Variants in C8orf74 observed in about 807,000 individuals in gnomAD.
The protein encoded by C8orf74 is uncharacterized protein C8orf74.
A neutral mutation model predicts 22.2 loss-of-function variants in C8orf74; 29 were observed. The ratio of observed to expected loss-of-function variants is 1.31; its 90% CI spans 0.97 to 1.78. C8orf74 has a LOEUF of 1.78. C8orf74 is among the 40% of genes most tolerant of loss of function. The pLI is 0.00. For synonymous variants in C8orf74, 255 were observed against 163.1 expected (o/e 1.56, Z -4.30); for missense variants, 515 against 369.9 (o/e 1.39, Z -3.22).
chr8:10,690,798 G>A (rs563972065), intron 2 of C8orf74: 29 of 449,924 alleles, frequency 6.4e-5, no homozygotes, highest in African/African-American at 5.4e-4. Context: ...GCTGACATCT[G>A]CCTAGCAAGC....
In C8orf74 at chr8:10,674,638, C is replaced by T. The variant is rs1335881382; in HGVS notation, c.49-8C>T. ...CATACCCTGCAGTTCCCATGTCATT[C>T]CCTGCAGAGACCACAAGGTCGGGAG... is the stretch of plus-strand genomic sequence containing the variant. On this transcript the variant is annotated splice_region_variant and splice_polypyrimidine_tract_variant and intron_variant, in intron 1 of 3. Coordinates refer to ENST00000304519, the MANE Select transcript of C8orf74 (RefSeq NM_001040032.2). 2 of 1,601,018 alleles carry T rather than the reference C, an allele frequency of 1.2e-6. No individual in the cohort carries two copies. Among genetic ancestry groups the T allele is most frequent in the Admixed American group, 1.7e-5 (1 of 58,616 alleles).
rs540229601 is a variant in C8orf74 at position 10,683,710 on chromosome 8, G to A, written c.241+8872G>A. 1.4e-4 allele frequency among the ~76,000 whole-genome samples: 22 copies of A among 152,290 alleles called. 1 individual carries two copies. Among genetic ancestry groups the A allele is most frequent in the African/African-American group, 4.3e-4 (18 of 41,550 alleles). ...TCCCCACAGCTTATGAGAGTTGAGA[G>A]GAGCCCCAGAGGTCACTGGATCCAA... is the stretch of plus-strand genomic sequence containing the variant. On this transcript the variant is annotated intron_variant, in intron 2 of 3. Transcript: ENST00000304519.
chr8:10,696,498 T>C (rs1218525521), intron 2 of C8orf74, among the ~76,000 whole-genome samples: 2 of 146,510 alleles, frequency 1.4e-5, no homozygotes, highest in Non-Finnish European at 3.0e-5. Flanking sequence ...CAGGCTGAAG[T>C]GCAGTGTAGC....
At chr8:10,680,373 C>A (rs1332453271) in intron 2 of C8orf74, among the ~76,000 whole-genome samples, 1 of 152,236 alleles carries the variant, frequency 6.6e-6, no homozygotes, top group Non-Finnish European at 1.5e-5. Context: ...AGACATGCAG[C>A]ACTCACAGCA....
chr8:10,695,887 G>T (rs1412510830), intron 2 of C8orf74, among the ~76,000 whole-genome samples: 2 of 152,158 alleles, frequency 1.3e-5, no homozygotes. Flanking sequence ...AAGGAACTGT[G>T]GAATTCTCCA....
intron 2 of C8orf74, among the ~76,000 whole-genome samples, chr8:10,684,002 T>A (rs1158716793): frequency 6.6e-6 from 1 of 152,064 alleles, no homozygotes; most frequent in Non-Finnish European, 1.5e-5. Flanking sequence ...GAGCCGGCCC[T>A]CCCACGATGC....
At chr8:10,674,593 A>C in intron 1 of C8orf74, 53 bp from the exon 2 acceptor site, 1 of 1,392,512 alleles carries the variant, frequency 7.2e-7, no homozygotes, top group Non-Finnish European at 9.6e-7. Context: ...CCCCTATATC[A>C]TGCCCTGCAA....
intron 2 of C8orf74, among the ~76,000 whole-genome samples, chr8:10,683,530 T>G (rs1399079493): frequency 6.6e-6 from 1 of 152,200 alleles, no homozygotes; most frequent in Non-Finnish European, 1.5e-5. Context: ...TGGGACTGCC[T>G]AGTCGCTTTC....
chr8:10,693,610 A>G (rs1273385953), intron 2 of C8orf74, among the ~76,000 whole-genome samples: 2 of 152,196 alleles, frequency 1.3e-5, no homozygotes, highest in African/African-American at 2.4e-5. Context: ...ACAGGTGGCC[A>G]TCATTTGTTC....
chr8:10,688,838 C>G (rs1485482881), intron 2 of C8orf74: 1 of 152,260 alleles, frequency 6.6e-6, no homozygotes, highest in Non-Finnish European at 1.5e-5. Flanking sequence ...ACCACTTGTG[C>G]TGCAGTAGGA....
intron 3 of C8orf74, among the ~76,000 whole-genome samples, chr8:10,698,632 C>G (rs1799583824): frequency 6.6e-6 from 1 of 152,102 alleles, no homozygotes; most frequent in Non-Finnish European, 1.5e-5. Context: ...ACGACCCCAG[C>G]CTCAGGGTAG....
Position 10,674,632 on chromosome 8 carries a change from G to A in C8orf74, c.49-14G>A. On this transcript the variant is annotated splice_polypyrimidine_tract_variant and intron_variant, in intron 1 of 3. Transcript: ENST00000304519. Reference sequence around the variant, plus strand: ...CCACATCATACCCTGCAGTTCCCATGTCATTCCCTGCAGAGACCACAAGGT... The same window carrying A: ...CCACATCATACCCTGCAGTTCCCATATCATTCCCTGCAGAGACCACAAGGT... The A allele has an allele frequency of 6.3e-7, 1 of 1,594,740 alleles. No individual in the cohort carries two copies. Among genetic ancestry groups the A allele is most frequent in the Non-Finnish European group, 8.5e-7 (1 of 1,171,044 alleles).
At chr8:10,682,667 G>A (rs925775767) in intron 2 of C8orf74, among the ~76,000 whole-genome samples, 9 of 152,200 alleles carry the variant, frequency 5.9e-5, no homozygotes, top group Non-Finnish European at 1.3e-4. Flanking sequence ...AGTATGTCCT[G>A]ACATACTGGG....
At chr8:10,674,030 C>T in intron 1 of C8orf74, among the ~76,000 whole-genome samples, 1 of 135,896 alleles carries the variant, frequency 7.4e-6, no homozygotes, top group Middle Eastern at 4.1e-3. Flanking sequence ...CCATATCATA[C>T]CCCACAACCT....
At chr8:10,689,649 A>C (rs187498442) in intron 2 of C8orf74, 206 of 152,310 alleles carry the variant, frequency 1.4e-3, no homozygotes, top group African/African-American at 4.8e-3. Flanking sequence ...CTCATAGCCT[A>C]CCGTTGACCA....
intron 2 of C8orf74, among the ~76,000 whole-genome samples, chr8:10,679,728 T>A (rs1237728145): frequency 6.6e-6 from 1 of 152,222 alleles, no homozygotes; most frequent in Non-Finnish European, 1.5e-5. Context: ...AGCTGCGTCC[T>A]CTCTGGGCCC....
chr8:10,690,761 T>C (rs1799363137), intron 2 of C8orf74: 2 of 431,028 alleles, frequency 4.6e-6, no homozygotes, highest in Non-Finnish European at 4.7e-6. Flanking sequence ...TCCGAGCCGT[T>C]TCTGCCCTGA....
At chr8:10,673,732 C>A (rs1221962550) in intron 1 of C8orf74, 1 of 153,766 alleles carries the variant, frequency 6.5e-6, no homozygotes, top group Non-Finnish European at 1.5e-5. Context: ...GCCCAGAAAC[C>A]AAAGCACAGC....
chr8:10,700,163 AG>A (rs1799622207), intron 3 of C8orf74, 71 bp from the exon 4 acceptor site: 1 of 966,002 alleles, frequency 1.0e-6, no homozygotes, highest in African/African-American at 1.7e-5. Flanking sequence ...TACCTGCAAC[AG>A]GGGCTGAGTT....
Sources: gnomAD v4.1 joint callset for allele counts (sites outside exome capture counted in the v4.1 genomes callset) on GRCh38, gnomAD v4.1.1 for gene constraint, MANE v1.5 for transcripts, NCBI Gene and HGNC (gene_info 2026-07-23, HGNC 2026-07-21) for gene names.